The following ZBTB7C variants were observed in gnomAD, a reference collection of about 807,000 sequenced individuals.
ZBTB7C encodes the protein zinc finger and BTB domain-containing protein 7C.
In ZBTB7C, 8 loss-of-function variants were observed where a neutral mutation model predicts 25.7. The observed-to-expected ratio is 0.31, with a 90% CI of 0.18 to 0.56. The LOEUF (loss-of-function observed/expected upper bound fraction) is 0.56. ZBTB7C is among the 20% of genes least tolerant of loss of function. ZBTB7C has a pLI of 0.91. For synonymous variants in ZBTB7C, 394 were observed against 369.0 expected (o/e 1.07, Z -0.78); for missense variants, 824 against 855.2 (o/e 0.96, Z 0.46).
intron 2 of ZBTB7C, among the ~76,000 whole-genome samples, chr18:48,215,956 CAA>C (rs2042813115): frequency 6.6e-6 from 1 of 152,174 alleles, no homozygotes; most frequent in Non-Finnish European, 1.5e-5. Context: ...CTTAATGGTA[CAA>C]AAGAGTTTGT....
chr18:48,267,492 C>A (rs1352131052), intron 2 of ZBTB7C, among the ~76,000 whole-genome samples: 2 of 152,148 alleles, frequency 1.3e-5, no homozygotes, highest in African/African-American at 4.8e-5. Context: ...ATATGGTAAC[C>A]AAGGCCAGAG....
In ZBTB7C at chr18:48,313,139, C is replaced by T. The variant is rs80294080; in HGVS notation, c.-79+25035G>A. Among the ~76,000 whole-genome samples, 1,487 of 152,270 alleles carry T rather than the reference C, an allele frequency of 9.8e-3. 27 individuals are homozygous for T. Among genetic ancestry groups the T allele is most frequent in the African/African-American group, 0.034 (1,423 of 41,544 alleles). On this transcript the variant is annotated intron_variant, in intron 2 of 4. Coordinates refer to ENST00000590800, the MANE Select transcript of ZBTB7C (RefSeq NM_001318841.2). ...GAACCTAAGGCTCAGAGAGATTAAG[C>T]GAGTTATCCAAGATGACACAGTATT...
At chr18:48,362,240 G>A (rs1449769416) in intron 1 of ZBTB7C, among the ~76,000 whole-genome samples, 2 of 152,334 alleles carry the variant, frequency 1.3e-5, no homozygotes, top group African/African-American at 4.8e-5. Flanking sequence ...TCAGTGAGCT[G>A]ACAGTCCCTT....
intron 2 of ZBTB7C, among the ~76,000 whole-genome samples, chr18:48,330,269 T>C (rs943341361): frequency 1.3e-5 from 2 of 152,228 alleles, no homozygotes; most frequent in African/African-American, 4.8e-5. Context: ...TGTTGAGGTC[T>C]CCACCACAGT....
chr18:48,072,962 C>G (rs2037608614), intron 3 of ZBTB7C, among the ~76,000 whole-genome samples: 1 of 152,180 alleles, frequency 6.6e-6, no homozygotes, highest in Non-Finnish European at 1.5e-5. Context: ...CCCACTCTCC[C>G]TTAGGATGAC....
chr18:48,400,626 C>T (rs2048135072), intron 1 of ZBTB7C, among the ~76,000 whole-genome samples: 1 of 152,234 alleles, frequency 6.6e-6, no homozygotes, highest in Admixed American at 6.5e-5. Flanking sequence ...CCTGGGTTCA[C>T]TGCATTGTCT....
intron 3 of ZBTB7C, among the ~76,000 whole-genome samples, chr18:48,111,220 C>A (rs11878118): frequency 0.079 from 11,981 of 152,172 alleles, 1,403 homozygotes; most frequent in African/African-American, 0.26. Flanking sequence ...CTCAGCTCCT[C>A]TTATGGACCC....
At chr18:48,062,876 G>T (rs562002395) in intron 3 of ZBTB7C, among the ~76,000 whole-genome samples, 1 of 152,340 alleles carries the variant, frequency 6.6e-6, no homozygotes, top group South Asian at 2.1e-4. Flanking sequence ...TGAGCTCTTA[G>T]GCATGGCCAA....
intron 3 of ZBTB7C, among the ~76,000 whole-genome samples, chr18:48,092,421 T>C (rs2038453995): frequency 6.6e-6 from 1 of 152,218 alleles, no homozygotes; most frequent in Admixed American, 6.5e-5. Flanking sequence ...TGTAAACTGA[T>C]GAAATCGAAG....
intron 2 of ZBTB7C, among the ~76,000 whole-genome samples, chr18:48,298,392 A>T (rs1340395096): frequency 1.3e-5 from 2 of 151,998 alleles, no homozygotes; most frequent in African/African-American, 2.4e-5. Context: ...ATCAGGGAAG[A>T]TGACAGTGGG....
intron 3 of ZBTB7C, among the ~76,000 whole-genome samples, chr18:48,109,593 G>C (rs11664553): frequency 1.3e-5 from 2 of 151,888 alleles, no homozygotes; most frequent in Admixed American, 1.3e-4. Flanking sequence ...AATATTATCA[G>C]GAAGGTGTTG....
intron 3 of ZBTB7C, among the ~76,000 whole-genome samples, chr18:48,155,697 T>A (rs1191151919): frequency 6.6e-6 from 1 of 152,156 alleles, no homozygotes; most frequent in African/African-American, 2.4e-5. Flanking sequence ...ACGATTTCCT[T>A]CTCAGTGCTA....
chr18:48,282,942 A>T (rs1454047789), intron 2 of ZBTB7C, among the ~76,000 whole-genome samples: 1 of 152,232 alleles, frequency 6.6e-6, no homozygotes, highest in African/African-American at 2.4e-5. Flanking sequence ...TCATGAGTAT[A>T]TTCAATGTGT....
At chr18:48,232,188 C>G (rs2043273422) in intron 2 of ZBTB7C, among the ~76,000 whole-genome samples, 1 of 152,170 alleles carries the variant, frequency 6.6e-6, no homozygotes, top group Non-Finnish European at 1.5e-5. Flanking sequence ...AAGTAACACT[C>G]CAAGGATCCT....
intron 1 of ZBTB7C, among the ~76,000 whole-genome samples, chr18:48,363,639 G>T (rs1380424687): frequency 6.6e-6 from 1 of 152,156 alleles, no homozygotes; most frequent in African/African-American, 2.4e-5. Flanking sequence ...TCATTATTTG[G>T]TTAGAAAGTT....
chr18:48,330,072 C>T (rs2046309557), intron 2 of ZBTB7C, among the ~76,000 whole-genome samples: 1 of 152,224 alleles, frequency 6.6e-6, no homozygotes, highest in African/African-American at 2.4e-5. Flanking sequence ...TGGGGGTCAA[C>T]TCTGTGCCAG....
rs1370064547 is a variant in ZBTB7C, at chr18:48,242,958, T to G, written c.-78-56963A>C. 2.0e-5 allele frequency among the ~76,000 whole-genome samples: 3 copies of G among 151,892 alleles called. No homozygotes were observed. The East Asian group carries it at 5.8e-4, about 29-fold the overall frequency. On this transcript the variant is annotated intron_variant, in intron 2 of 4. Transcript: ENST00000590800. ...CCTATAACTAGAAAACCCTAAAGAC[T>G]TATCAAAAAAAGCTCCTAGATCTGG...
intron 2 of ZBTB7C, among the ~76,000 whole-genome samples, chr18:48,221,505 G>T (rs546170585): frequency 4.7e-4 from 65 of 138,152 alleles, no homozygotes; most frequent in African/African-American, 1.8e-3. Flanking sequence ...CCTCTATACT[G>T]TCCTTGTCTC....
intron 3 of ZBTB7C, among the ~76,000 whole-genome samples, chr18:48,110,139 A>G (rs550096339): frequency 6.6e-6 from 1 of 152,368 alleles, no homozygotes. Flanking sequence ...GTCATCACCC[A>G]TTGTGCCCAG....
Sources: allele counts gnomAD v4.1 joint callset (sites outside exome capture counted in the v4.1 genomes callset), GRCh38; gene constraint gnomAD v4.1.1; transcripts MANE v1.5; gene names NCBI Gene and HGNC (gene_info 2026-07-23, HGNC 2026-07-21).